Variants in DALRD3 observed in about 807,000 individuals in gnomAD.
DALRD3 encodes the protein DALR anticodon binding domain containing 3.
In DALRD3, 47 loss-of-function variants were observed where a neutral mutation model predicts 56.7. The ratio of observed to expected loss-of-function variants is 0.83; its 90% CI spans 0.66 to 1.06. DALRD3 has a LOEUF of 1.06. Ranked by LOEUF, DALRD3 falls within the 50% of genes least tolerant of loss-of-function variation. DALRD3 has a pLI of 0.00. For missense variants in DALRD3, 787 were observed against 724.0 expected, an observed-to-expected ratio of 1.09 and a Z score of -1.00; for synonymous variants, 347 against 308.5, an observed-to-expected ratio of 1.12 and a Z score of -1.31.
rs781264346 is a variant in DALRD3 at position 49,017,433 on chromosome 3, C to G, written c.798+1G>C. On this transcript the variant is annotated splice_donor_variant, in intron 4 of 11. Transcript: ENST00000341949. LOFTEE classifies it high-confidence loss of function. ...AACCTACAGGGCTGGGAGTCACTAA[C>G]CAGGCCTGGGTGGCTGTCCTCGGGC... The G allele has an allele frequency of 6.2e-7, 1 of 1,614,022 alleles. No individual in the cohort carries two copies. Among genetic ancestry groups the G allele is most frequent in the Non-Finnish European group, 8.5e-7 (1 of 1,180,050 alleles).
chr3:49,018,215 T>A lies in DALRD3; in HGVS notation c.269A>T (p.Gln90Leu). ...PTPAGLSLQLQRSAVFERVLS... is the reference protein window; with the variant it reads ...PTPAGLSLQLLRSAVFERVLS... ...GACGCGCTCGAAGACGGCGGACCGC[T>A]GCAGTTGGAGAGACAGACCCGCGGG... The change falls in exon 2 of 12, where the codon CAG becomes CTG. Residue 90 changes from glutamine (Q) to leucine (L), a missense_variant. Coordinates refer to ENST00000341949, the MANE Select transcript of DALRD3 (RefSeq NM_001009996.3). 6.9e-7 allele frequency: 1 copy of A among 1,443,888 alleles called. No individual in the cohort carries two copies. Among genetic ancestry groups the A allele is most frequent in the Non-Finnish European group, 9.0e-7 (1 of 1,108,602 alleles). 89.4% of individuals were successfully genotyped at this position (1,443,888 alleles called of 1,614,324 possible).
rs916115883 is a variant in DALRD3 at position 49,018,195 on chromosome 3, G to A, written c.289C>T (p.Arg97Cys). 6.9e-7 allele frequency: 1 copy of A among 1,447,742 alleles called. No individual in the cohort carries two copies. The highest frequency in any genetic ancestry group is 9.0e-7 in the Non-Finnish European group (1 of 1,112,030). 89.7% of individuals were successfully genotyped at this position (1,447,742 alleles called of 1,614,324 possible). ...LQLQRSAVFE[R>C]VLSAVAAYAT... is the part of the protein sequence containing the mutation. ...TAGGCGGCCACGGCGCTGAGGACGC[G>A]CTCGAAGACGGCGGACCGCTGCAGT... Residue 97 changes from arginine to cysteine, a missense_variant, in exon 2 of 12, where the codon CGC becomes TGC. Physicochemically the swap from Arg to Cys is radical, Grantham distance 180. Transcript: ENST00000341949.
At position 49,017,429 on chromosome 3, in the gene DALRD3, C is replaced by T; in HGVS notation, c.798+5G>A. The T allele has an allele frequency of 1.2e-6, 2 of 1,614,142 alleles. No homozygotes were observed. Among genetic ancestry groups the T allele is most frequent in the Non-Finnish European group, 1.7e-6 (2 of 1,180,034 alleles). On this transcript the variant is annotated splice_donor_5th_base_variant and intron_variant, in intron 4 of 11. Transcript: ENST00000341949. ...GGAGAACCTACAGGGCTGGGAGTCA[C>T]TAACCAGGCCTGGGTGGCTGTCCTC...
chr3:49,018,459 G>T lies in DALRD3; in HGVS notation c.106C>A (p.Arg36Ser). ...TGCGGTGCCAGAAAGTCTCGGGAAC[G>T]CAGGTGGCGGGTGCGCGTCTCCTTG... ...WIKETRTRHL[R>S]SRDFLAPHRA... is the part of the protein sequence containing the mutation. The change falls in exon 1 of 12, where the codon CGT (arginine) becomes AGT (serine). Residue 36 changes from arginine (R) to serine (S), a missense_variant. Arg to Ser is a moderately radical substitution (Grantham distance 110). Coordinates refer to ENST00000341949, the MANE Select transcript of DALRD3 (RefSeq NM_001009996.3). 1 of 1,589,626 alleles carries T rather than the reference G, an allele frequency of 6.3e-7. No individual in the cohort carries two copies. Among genetic ancestry groups the T allele is most frequent in the Non-Finnish European group, 8.6e-7 (1 of 1,168,486 alleles).
At chr3:49,020,014 C>T (rs2093138988), upstream of DALRD3, 7 of 419,442 alleles carry the variant, frequency 1.7e-5, no homozygotes, top group Admixed American at 2.0e-4. Context: ...CCCACCCCAC[C>T]CCCATTCCTT....
chr3:49,019,235 G>T (rs1198335770), upstream of DALRD3: 2 of 160,824 alleles, frequency 1.2e-5, no homozygotes, highest in African/African-American at 2.4e-5. Flanking sequence ...ACCACGCCCG[G>T]CTAATTTTTG....
chr3:49,021,447 G>A (rs1233611364), upstream of DALRD3: 1 of 153,194 alleles, frequency 6.5e-6, no homozygotes, highest in Non-Finnish European at 1.5e-5. The surrounding 1 kb of genome is among the most constrained non-coding windows in gnomAD (Gnocchi z 4.1). Context: ...GTTCGGCCTG[G>A]TCTGGGCCAG....
chr3:49,016,804 C>G lies in DALRD3; in HGVS notation c.971G>C (p.Gly324Ala). ...CGPVKVAGAPGTLMTAPEYYE... is the reference protein window; with the variant it reads ...CGPVKVAGAPATLMTAPEYYE... ...GTACTCAGGGGCAGTCATCAGAGTG[C>G]CAGGTGCACCAGCTACTTTCACAGG... is the stretch of plus-strand genomic sequence containing the variant. The change falls in exon 6 of 12, where the codon GGC becomes GCC. Residue 324 changes from glycine to alanine, a missense_variant. Gly to Ala is a moderately conservative substitution (Grantham distance 60). Transcript: ENST00000341949. 6.2e-7 allele frequency: 1 copy of G among 1,614,186 alleles called. No individual in the cohort carries two copies. The highest frequency in any genetic ancestry group is 8.5e-7 in the Non-Finnish European group (1 of 1,180,016).
At chr3:49,016,911 G>C in intron 5 of DALRD3, 64 bp from the exon 6 acceptor site, 1 of 1,579,728 alleles carries the variant, frequency 6.3e-7, no homozygotes, top group South Asian at 1.1e-5. Context: ...CCCTTGAGGA[G>C]CCCAAATCTG....
rs749304119 is a variant in DALRD3, at chr3:49,016,273, T to C, written c.1214A>G (p.Tyr405Cys). 1 of 1,614,020 alleles carries C rather than the reference T, an allele frequency of 6.2e-7. No homozygotes were observed. Among genetic ancestry groups the C allele is most frequent in the Non-Finnish European group, 8.5e-7 (1 of 1,179,922 alleles). The change falls in exon 9 of 12, where the codon TAT (tyrosine) becomes TGT (cysteine). Residue 405 changes from tyrosine to cysteine, a missense_variant. Physicochemically the swap from Tyr to Cys is radical, Grantham distance 194 (BLOSUM62 -2). Transcript: ENST00000341949. ...GAGTGTGGCAAGACGGGCACAATTA[T>C]ACATGACAAAGGTGCCACTCTTTGT... is the stretch of plus-strand genomic sequence containing the variant. ...KGTKSGTFVM[Y>C]NCARLATLFE...
chr3:49,020,002 C>A (rs1226075607), upstream of DALRD3: 5 of 388,044 alleles, frequency 1.3e-5, no homozygotes, highest in Admixed American at 3.3e-5. Context: ...ACTTACTCAC[C>A]CCCCACCCCA....
At chr3:49,019,838 C>G (rs2093136889), upstream of DALRD3, among the ~76,000 whole-genome samples, 1 of 152,232 alleles carries the variant, frequency 6.6e-6, no homozygotes, top group Admixed American at 6.5e-5. Context: ...ATCCTTAAAG[C>G]TTCCTGTTTT....
rs776098843 is a variant in DALRD3, at chr3:49,015,940, G to C, written c.1443+33C>G. 8 of 1,614,072 alleles carry C rather than the reference G, an allele frequency of 5.0e-6. No individual in the cohort carries two copies. The Admixed American group carries it at 6.7e-5, about 13-fold the overall frequency. On this transcript the variant is annotated intron_variant, in intron 10 of 11. Coordinates refer to ENST00000341949, the MANE Select transcript of DALRD3 (RefSeq NM_001009996.3). ...GTGCCCCAGGCCAGAATAAAGAATA[G>C]AGTGTAGAGTGTCCTGGTTGTCTAT...
chr3:49,017,689 G>A lies in DALRD3; in HGVS notation c.642C>T (p.Gly214=). The change falls in exon 3 of 12, where the codon GGC becomes GGT. Residue 214 remains glycine, a synonymous_variant. Transcript: ENST00000341949. ...CCACCAGCTCCTTCAGACACAGTCT[G>A]CCTAGGATGCCAGGGGACAGTGTCC... ...DGRTLSPGIL[G]RLCLKELVEE... 1 of 1,614,168 alleles carries A rather than the reference G, an allele frequency of 6.2e-7. No homozygotes were observed. Among genetic ancestry groups the A allele is most frequent in the Middle Eastern group, 1.6e-4 (1 of 6,062 alleles).
At position 49,015,535 on chromosome 3, in the gene DALRD3, T is replaced by G. The variant is rs2093051267; in HGVS notation, c.*53A>C. 3.7e-6 allele frequency: 6 copies of G among 1,600,816 alleles called. No individual in the cohort carries two copies. In the South Asian group the frequency reaches 6.7e-5, roughly 18 times the overall value. On this transcript the variant is annotated 3_prime_UTR_variant, in exon 12 of 12. Transcript: ENST00000341949. ...TATTTTGGCCGTGGGTTTTTGCTTT[T>G]TTTCCAGTTGATGACTTTGTGAACA... is the stretch of plus-strand genomic sequence containing the variant.
At chr3:49,020,162 C>T (rs759535995), upstream of DALRD3, 1 of 534,506 alleles carries the variant, frequency 1.9e-6, no homozygotes, top group Admixed American at 1.9e-5. Flanking sequence ...GAGCACTGGG[C>T]GGACACGACA....
chr3:49,018,159 C>T lies in DALRD3; in HGVS notation c.325G>A (p.Ala109Thr). ...LSAVAAYATP[A>T]SPASLGQRVL... ...CGCTGGCCCAGCGAGGCAGGCGAGGCGGGCGTGGCATAGGCGGCCACGGCG... is the reference window on the plus strand; with the variant it reads ...CGCTGGCCCAGCGAGGCAGGCGAGGTGGGCGTGGCATAGGCGGCCACGGCG... Residue 109 changes from alanine (A) to threonine (T), a missense_variant, in exon 2 of 12, where the codon GCC (alanine) becomes ACC (threonine). Ala to Thr is a moderately conservative substitution (Grantham distance 58). Coordinates refer to ENST00000341949, the MANE Select transcript of DALRD3 (RefSeq NM_001009996.3). 5.5e-6 allele frequency: 8 copies of T among 1,451,692 alleles called. No homozygotes were observed. Among genetic ancestry groups the T allele is most frequent in the Non-Finnish European group, 7.2e-6 (8 of 1,113,256 alleles). The allele number at this position is 1,451,692 out of a possible 1,614,324, so 89.9% of individuals were successfully genotyped here. A position where few individuals can be genotyped will look rare whatever the true frequency, so the allele number is the denominator to read the frequency against.
Position 49,017,330 on chromosome 3 carries a change from G to C in DALRD3, c.825C>G (p.Gly275=), listed in dbSNP as rs769948091. 6 of 1,614,100 alleles carry C rather than the reference G, an allele frequency of 3.7e-6. No homozygotes were observed. Among genetic ancestry groups the C allele is most frequent in the Non-Finnish European group, 5.1e-6 (6 of 1,180,046 alleles). ...GLAGASDTGT[G]GCLVVHVVSC... Reference sequence around the variant, plus strand: ...TAACAACATGTACAACCAGGCAGCCGCCTGTACCAGTATCTGAGGCCCCAG... The same window carrying C: ...TAACAACATGTACAACCAGGCAGCCCCCTGTACCAGTATCTGAGGCCCCAG... The change falls in exon 5 of 12, where the codon GGC becomes GGG. Residue 275 remains glycine (G), a synonymous_variant. Coordinates refer to ENST00000341949, the MANE Select transcript of DALRD3 (RefSeq NM_001009996.3).
At chr3:49,018,904 T>C (rs1339102905), upstream of DALRD3, 1 of 985,366 alleles carries the variant, frequency 1.0e-6, no homozygotes, top group Non-Finnish European at 1.2e-6. Context: ...ATGTTTGTTT[T>C]AATAACATTT....
Sources: allele counts gnomAD v4.1 joint callset (sites outside exome capture counted in the v4.1 genomes callset), GRCh38; gene constraint gnomAD v4.1.1; non-coding constraint Gnocchi (gnomAD v3.1); transcripts MANE v1.5; gene names NCBI Gene and HGNC (gene_info 2026-07-23, HGNC 2026-07-21).